Variants in MALRD1 observed in about 807,000 individuals in gnomAD.
MALRD1 encodes MAM and LDL-receptor class A domain-containing protein 1.
A neutral mutation model predicts 242.1 loss-of-function variants in MALRD1; 247 were observed. The observed-to-expected ratio is 1.02, with a 90% confidence interval of 0.92 to 1.13. MALRD1 has a LOEUF of 1.13. Ranked by LOEUF, MALRD1 falls within the 50% of genes most tolerant of loss-of-function variation. The pLI is 0.00. For synonymous variants in MALRD1, 995 were observed against 866.6 expected (o/e 1.15, Z -2.60); for missense variants, 2,989 against 2,533.1 (o/e 1.18, Z -3.86).
rs74326416 is a variant in MALRD1, at chr10:19,526,992, A to G, written c.5321-4202A>G. On this transcript the variant is annotated intron_variant, in intron 31 of 39. Coordinates refer to ENST00000454679, the MANE Select transcript of MALRD1 (RefSeq NM_001142308.3). Reference sequence around the variant, plus strand: ...AGGTTTGGGAATTTGTGTAGGGCCCAAAAGACACACACCCCATTAGAAAAT... The same window carrying G: ...AGGTTTGGGAATTTGTGTAGGGCCCGAAAGACACACACCCCATTAGAAAAT... Among the ~76,000 whole-genome samples, 289 of 152,270 alleles carry G rather than the reference A, an allele frequency of 1.9e-3. 5 individuals carry two copies. The East Asian group carries it at 0.047, about 25-fold the overall frequency.
intron 14 of MALRD1, among the ~76,000 whole-genome samples, chr10:19,183,159 T>C (rs985939465): frequency 6.6e-6 from 1 of 151,898 alleles, no homozygotes; most frequent in African/African-American, 2.4e-5. Flanking sequence ...AACTAATTTT[T>C]ATACTGTGAA....
chr10:19,486,051 TTAAAA>T (rs1837224483), intron 29 of MALRD1, among the ~76,000 whole-genome samples: 2 of 151,952 alleles, frequency 1.3e-5, no homozygotes, highest in African/African-American at 4.8e-5. Context: ...ACAAAAAAAT[TTAAAA>T]AGAAAAATGC....
intron 33 of MALRD1, among the ~76,000 whole-genome samples, chr10:19,583,784 G>A (rs987947985): frequency 2.0e-5 from 3 of 151,484 alleles, no homozygotes; most frequent in Admixed American, 6.6e-5. Context: ...GATTGGAATA[G>A]TTTCAGAAGG....
intron 21 of MALRD1, among the ~76,000 whole-genome samples, chr10:19,283,884 T>C (rs1392249999): frequency 6.6e-6 from 1 of 152,186 alleles, no homozygotes; most frequent in Non-Finnish European, 1.5e-5. Flanking sequence ...CGGTAGGCAC[T>C]AGAAATAAAC....
chr10:19,371,949 A>G (rs1845400281), intron 26 of MALRD1, among the ~76,000 whole-genome samples: 1 of 152,214 alleles, frequency 6.6e-6, no homozygotes, highest in Admixed American at 6.5e-5. Flanking sequence ...ATGAGTATAC[A>G]GAAGGTCTAA....
At chr10:19,097,076 T>C (rs1427993629) in intron 4 of MALRD1, among the ~76,000 whole-genome samples, 1 of 152,230 alleles carries the variant, frequency 6.6e-6, no homozygotes, top group Non-Finnish European at 1.5e-5. Flanking sequence ...AAAATTTCTT[T>C]AGCACTTACT....
At chr10:19,155,887 C>T (rs1834124822) in intron 12 of MALRD1, among the ~76,000 whole-genome samples, 1 of 152,182 alleles carries the variant, frequency 6.6e-6, no homozygotes, top group Non-Finnish European at 1.5e-5. Flanking sequence ...TTGTATCAAA[C>T]ATTGGTATAT....
chr10:19,332,366 C>G (rs975005871), intron 24 of MALRD1, among the ~76,000 whole-genome samples: 1 of 151,734 alleles, frequency 6.6e-6, no homozygotes, highest in Admixed American at 6.6e-5. Context: ...ACAAAGTGAT[C>G]TCTCAAGGAG....
intron 8 of MALRD1, among the ~76,000 whole-genome samples, chr10:19,132,995 C>G (rs2813775): frequency 0.64 from 97,887 of 151,830 alleles, 32,448 homozygotes; most frequent in East Asian, 0.82. Context: ...GAATGTAGTA[C>G]TGGTGGCATC....
intron 24 of MALRD1, among the ~76,000 whole-genome samples, chr10:19,342,912 A>T (rs765181000): frequency 1.3e-5 from 2 of 152,110 alleles, no homozygotes; most frequent in Non-Finnish European, 2.9e-5. Flanking sequence ...GTTGACAGAG[A>T]AGGAAAAATT....
intron 33 of MALRD1, among the ~76,000 whole-genome samples, chr10:19,585,824 C>T (rs1416001931): frequency 1.4e-4 from 21 of 152,256 alleles, no homozygotes; most frequent in Non-Finnish European, 2.6e-4. Flanking sequence ...AGAGTGTTTT[C>T]CAACTTGGTT....
At chr10:19,587,396 C>T (rs1327668660) in intron 33 of MALRD1, among the ~76,000 whole-genome samples, 1 of 152,224 alleles carries the variant, frequency 6.6e-6, no homozygotes, top group Admixed American at 6.5e-5. Context: ...AACATAATTT[C>T]TGCACTTTAA....
At chr10:19,584,216 C>G (rs531555973) in intron 33 of MALRD1, among the ~76,000 whole-genome samples, 1 of 151,990 alleles carries the variant, frequency 6.6e-6, no homozygotes, top group South Asian at 2.1e-4. Flanking sequence ...TTTTGTGTCT[C>G]TATTTCCTTC....
chr10:19,726,024 A>G (rs1835009768), intron 38 of MALRD1, among the ~76,000 whole-genome samples: 1 of 152,204 alleles, frequency 6.6e-6, no homozygotes, highest in African/African-American at 2.4e-5. Flanking sequence ...AATCTTCATG[A>G]TCTTGGATTT....
At chr10:19,123,189 C>G (rs964638505) in intron 5 of MALRD1, among the ~76,000 whole-genome samples, 2 of 152,164 alleles carry the variant, frequency 1.3e-5, no homozygotes, top group Admixed American at 6.5e-5. Context: ...TTTTTTTACT[C>G]CTATGAAGGA....
chr10:19,114,434 C>G (rs908303508), intron 5 of MALRD1, among the ~76,000 whole-genome samples: 2 of 151,904 alleles, frequency 1.3e-5, no homozygotes, highest in South Asian at 4.1e-4. Flanking sequence ...GTCAGGAGTT[C>G]GAGACCAGCC....
intron 32 of MALRD1, among the ~76,000 whole-genome samples, chr10:19,557,195 C>A (rs1835760604): frequency 6.6e-6 from 1 of 151,936 alleles, no homozygotes; most frequent in Admixed American, 6.6e-5. Context: ...GAATACCAGG[C>A]CTTATCAGAT....
At chr10:19,679,388 A>G (rs1460745330) in intron 36 of MALRD1, among the ~76,000 whole-genome samples, 2 of 152,162 alleles carry the variant, frequency 1.3e-5, no homozygotes, top group Non-Finnish European at 2.9e-5. Flanking sequence ...CCGTCTTGGC[A>G]GGGTGTATGT....
At chr10:19,730,685 G>C (rs573436631) in intron 38 of MALRD1, 21 bp from the exon 39 acceptor site, 1 of 1,535,254 alleles carries the variant, frequency 6.5e-7, no homozygotes, top group South Asian at 1.2e-5. Context: ...TTTTATTTTT[G>C]ATGGCCCTGT....
Sources: allele counts gnomAD v4.1 joint callset (sites outside exome capture counted in the v4.1 genomes callset), GRCh38; gene constraint gnomAD v4.1.1; transcripts MANE v1.5; gene names NCBI Gene and HGNC (gene_info 2026-07-23, HGNC 2026-07-21).